HS2ST1: variants seen among roughly 807,000 people sequenced by gnomAD.
HS2ST1 encodes heparan sulfate 2-O-sulfotransferase 1, also known as 2-O-sulfotransferase.
A neutral mutation model predicts 42.9 loss-of-function variants in HS2ST1; 18 were observed. The observed-to-expected ratio is 0.42, with a 90% CI of 0.29 to 0.62. The LOEUF is 0.62. Among genes scored for constraint, HS2ST1 ranks in the 20% least tolerant of loss-of-function variants. HS2ST1 has a pLI of 0.21. For synonymous variants in HS2ST1, 146 were observed against 152.9 expected (o/e 0.95, Z 0.33); for missense variants, 334 against 433.8 (o/e 0.77, Z 2.04).
At position 87,051,308 on chromosome 1, in the gene HS2ST1, A is replaced by T. The variant is rs929178615; in HGVS notation, c.125-21626A>T. ...TATGTTGCCTAATTCAAATAGATTAATGGGGATGAGGCAGAGTAACTCACA... is the reference window on the plus strand; with the variant it reads ...TATGTTGCCTAATTCAAATAGATTATTGGGGATGAGGCAGAGTAACTCACA... On this transcript the variant is annotated intron_variant, in intron 1 of 6. Coordinates refer to ENST00000370550, the MANE Select transcript of HS2ST1 (RefSeq NM_012262.4). Among the ~76,000 whole-genome samples the T allele has an allele frequency of 4.9e-4, 75 of 152,142 alleles. 3 individuals are homozygous for T. Among genetic ancestry groups the T allele is most frequent in the Non-Finnish European group, 5.9e-5 (4 of 68,022 alleles).
intron 1 of HS2ST1, among the ~76,000 whole-genome samples, chr1:86,976,289 A>G (rs1438897911): frequency 2.0e-5 from 3 of 152,128 alleles, no homozygotes; most frequent in Admixed American, 6.5e-5. Context: ...GAATTTTTAA[A>G]GTTGTTGCCA....
intron 1 of HS2ST1, among the ~76,000 whole-genome samples, chr1:86,980,775 A>G (rs539448949): frequency 1.3e-5 from 2 of 152,318 alleles, no homozygotes; most frequent in African/African-American, 2.4e-5. Flanking sequence ...TACTATTAGG[A>G]TATCGGGGAC....
intron 4 of HS2ST1, among the ~76,000 whole-genome samples, chr1:87,094,124 T>C (rs1345484324): frequency 6.6e-6 from 1 of 152,100 alleles, no homozygotes; most frequent in Non-Finnish European, 1.5e-5. Flanking sequence ...TTCTTTTTAT[T>C]TTTTATTTTA....
chr1:87,100,912 C>CA (rs754889661), intron 5 of HS2ST1, among the ~76,000 whole-genome samples: 1 of 151,990 alleles, frequency 6.6e-6, no homozygotes, highest in Non-Finnish European at 1.5e-5. Flanking sequence ...GTCTTTAAAA[C>CA]AAAAAACAAC....
chr1:87,002,319 G>A (rs1211168212), intron 1 of HS2ST1, among the ~76,000 whole-genome samples: 4 of 152,096 alleles, frequency 2.6e-5, no homozygotes, highest in Admixed American at 1.3e-4. Context: ...CTAGCCAGGC[G>A]CCATGGCTCA....
chr1:86,977,699 A>G (rs1477686940), intron 1 of HS2ST1, among the ~76,000 whole-genome samples: 2 of 152,212 alleles, frequency 1.3e-5, no homozygotes, highest in African/African-American at 4.8e-5. Flanking sequence ...GGCAGTGTCA[A>G]ATTTATCAGG....
At chr1:86,993,422 G>A (rs552152137) in intron 1 of HS2ST1, among the ~76,000 whole-genome samples, 3 of 152,180 alleles carry the variant, frequency 2.0e-5, no homozygotes, top group South Asian at 4.1e-4. Flanking sequence ...GTATTTTAAG[G>A]TTTTGTTTTC....
intron 1 of HS2ST1, among the ~76,000 whole-genome samples, chr1:86,921,111 A>G (rs1295766009): frequency 6.6e-6 from 1 of 152,192 alleles, no homozygotes; most frequent in East Asian, 1.9e-4. Context: ...CTATCTTGGT[A>G]AATGTTCCAG....
intron 1 of HS2ST1, among the ~76,000 whole-genome samples, chr1:87,029,382 T>G (rs1333638633): frequency 6.6e-6 from 1 of 152,196 alleles, no homozygotes; most frequent in Non-Finnish European, 1.5e-5. Flanking sequence ...TTTTAAGTCT[T>G]TATATCTTTT....
At chr1:87,046,248 G>C in intron 1 of HS2ST1, 1 of 794,738 alleles carries the variant, frequency 1.3e-6, no homozygotes, top group Non-Finnish European at 2.2e-6. Flanking sequence ...CAAAGAGGGT[G>C]TGACCAAGTG....
At position 87,105,692 on chromosome 1, in the gene HS2ST1, A is replaced by G. The variant is rs1187329651; in HGVS notation, c.*996A>G. 3 of 152,546 alleles carry G rather than the reference A, an allele frequency of 2.0e-5. No individual in the cohort carries two copies. Among genetic ancestry groups the G allele is most frequent in the Non-Finnish European group, 2.9e-5 (2 of 67,942 alleles). 9.4% of individuals were successfully genotyped at this position (152,546 alleles called of 1,614,324 possible). A position where few individuals can be genotyped will look rare whatever the true frequency, so the allele number is the denominator to read the frequency against. On this transcript the variant is annotated 3_prime_UTR_variant, in exon 7 of 7. Transcript: ENST00000370550. ...TTTTATGTATTTGGACCAAAAGGTTACAAGTAATTAGACAAAAGTGGTTTT... is the reference window on the plus strand; with the variant it reads ...TTTTATGTATTTGGACCAAAAGGTTGCAAGTAATTAGACAAAAGTGGTTTT...
At chr1:86,944,230 G>A (rs1438082806) in intron 1 of HS2ST1, among the ~76,000 whole-genome samples, 3 of 152,150 alleles carry the variant, frequency 2.0e-5, no homozygotes, top group Non-Finnish European at 2.9e-5. Context: ...TGAAGACAGG[G>A]AACTTCTGAG....
intron 1 of HS2ST1, among the ~76,000 whole-genome samples, chr1:86,943,316 C>T (rs773352020): frequency 9.9e-5 from 15 of 152,046 alleles, no homozygotes; most frequent in Non-Finnish European, 2.1e-4. Flanking sequence ...CCAATTGAAA[C>T]GAGAAGAAAT....
At chr1:87,060,504 C>G (rs1651093743) in intron 1 of HS2ST1, among the ~76,000 whole-genome samples, 1 of 152,018 alleles carries the variant, frequency 6.6e-6, no homozygotes, top group Non-Finnish European at 1.5e-5. Flanking sequence ...AGCTGGTGAT[C>G]ACTTAAAGAG....
At chr1:86,929,201 A>AT (rs1660488431) in intron 1 of HS2ST1, among the ~76,000 whole-genome samples, 1 of 151,928 alleles carries the variant, frequency 6.6e-6, no homozygotes, top group Non-Finnish European at 1.5e-5. Context: ...AATTGTTATT[A>AT]ATAATGACAA....
In HS2ST1 at chr1:87,109,451, AAAAT is replaced by A. The variant is rs1652417641; in HGVS notation, c.*4757_*4760del. On this transcript the variant is annotated 3_prime_UTR_variant, in exon 7 of 7. Coordinates refer to ENST00000370550, the MANE Select transcript of HS2ST1 (RefSeq NM_012262.4). ...AAAATATATACTTAATTAGAAGAAA[AAAAT>A]AGAGAAAGGGCTATTAGAATTAAAA... 6.6e-6 allele frequency: 1 copy of A among 152,122 alleles called. No homozygotes were observed. Among genetic ancestry groups the A allele is most frequent in the South Asian group, 2.1e-4 (1 of 4,832 alleles). The allele number at this position is 152,122 out of a possible 1,614,324, so 9.4% of individuals were successfully genotyped here.
At chr1:86,945,030 A>C (rs1054912415) in intron 1 of HS2ST1, among the ~76,000 whole-genome samples, 2 of 152,064 alleles carry the variant, frequency 1.3e-5, no homozygotes, top group Admixed American at 6.6e-5. Flanking sequence ...TATCCCTCTA[A>C]ATTTTCTTGA....
intron 1 of HS2ST1, chr1:87,045,726 T>G (rs1181869349): frequency 1.1e-6 from 1 of 880,198 alleles, no homozygotes; most frequent in African/African-American, 1.6e-5. Context: ...TGATTTGATA[T>G]CAAATCTACT....
At chr1:86,970,591 A>C (rs1398245584) in intron 1 of HS2ST1, among the ~76,000 whole-genome samples, 1 of 151,978 alleles carries the variant, frequency 6.6e-6, no homozygotes, top group Non-Finnish European at 1.5e-5. Context: ...ATGGGGTTTC[A>C]CCATGTTGGC....
Sources: allele counts gnomAD v4.1 joint callset (sites outside exome capture counted in the v4.1 genomes callset), GRCh38; gene constraint gnomAD v4.1.1; transcripts MANE v1.5; gene names NCBI Gene and HGNC (gene_info 2026-07-23, HGNC 2026-07-21).